ABCC1: variants seen among roughly 807,000 people sequenced by gnomAD.
The protein encoded by ABCC1 is ATP binding cassette subfamily C member 1 (ABCC1 blood group).
ABCC1 carries 83 observed loss-of-function variants against 172.9 expected under a neutral mutation model. That is an observed-to-expected ratio of 0.48 (90% CI 0.40 to 0.58). The LOEUF (loss-of-function observed/expected upper bound fraction) is 0.58. Among genes scored for constraint, ABCC1 ranks in the 20% least tolerant of loss-of-function variants. ABCC1 has a pLI of 0.00. For missense variants in ABCC1, 1,817 were observed against 2,002.7 expected, an observed-to-expected ratio of 0.91 and a Z score of 1.77; for synonymous variants, 937 against 825.2, an observed-to-expected ratio of 1.14 and a Z score of -2.32.
chr16:15,997,224 C>T (rs570160551), intron 1 of ABCC1, among the ~76,000 whole-genome samples: 98 of 152,024 alleles, frequency 6.4e-4, no homozygotes, highest in African/African-American at 2.1e-3. Flanking sequence ...CTCACGTAGC[C>T]GGGACTCAGG....
chr16:16,111,294 T>G, intron 21 of ABCC1, 81 bp from the exon 22 acceptor site: 1 of 1,194,966 alleles, frequency 8.4e-7, no homozygotes, highest in Non-Finnish European at 1.2e-6. Flanking sequence ...ACAGTGCTGG[T>G]GAAGCCCCCG....
intron 29 of ABCC1, among the ~76,000 whole-genome samples, chr16:16,136,974 C>T (rs1482805956): frequency 1.3e-5 from 2 of 152,142 alleles, no homozygotes; most frequent in Non-Finnish European, 2.9e-5. Flanking sequence ...GCCCCCAGGT[C>T]CCCATGCACT....
intron 1 of ABCC1, among the ~76,000 whole-genome samples, chr16:15,954,006 C>CTTTT (rs57768825): frequency 1.7e-5 from 2 of 116,930 alleles, no homozygotes; most frequent in South Asian, 2.6e-4. Context: ...CCTCCCCACC[C>CTTTT]TTTTTTTTTT....
chr16:16,033,233 G>C, intron 6 of ABCC1, 63 bp downstream of exon 6: 1 of 1,484,348 alleles, frequency 6.7e-7, no homozygotes, highest in Non-Finnish European at 9.4e-7. Flanking sequence ...ATGAATGAAC[G>C]AATGAACATG....
At chr16:16,103,985 C>G (rs949067588) in intron 20 of ABCC1, among the ~76,000 whole-genome samples, 4 of 152,006 alleles carry the variant, frequency 2.6e-5, no homozygotes, top group African/African-American at 9.7e-5. Flanking sequence ...TCTCGCTGGC[C>G]TCAGGAGTGA....
chr16:16,132,321 T>A (rs1006580044), intron 27 of ABCC1, among the ~76,000 whole-genome samples: 7 of 151,608 alleles, frequency 4.6e-5, no homozygotes, highest in South Asian at 2.1e-4. Flanking sequence ...TGCAGGTGTG[T>A]GCCACTGCAC....
chr16:15,994,344 T>C (rs17579406), intron 1 of ABCC1, among the ~76,000 whole-genome samples: 14,274 of 152,170 alleles, frequency 0.094, 757 homozygotes, highest in Middle Eastern at 0.15. Flanking sequence ...TTCTTCTAGG[T>C]TGACGAGCCC....
At chr16:16,077,191 G>A (rs1161244675) in intron 15 of ABCC1, among the ~76,000 whole-genome samples, 1 of 152,164 alleles carries the variant, frequency 6.6e-6, no homozygotes, top group Non-Finnish European at 1.5e-5. Flanking sequence ...CAAAACACAG[G>A]GGTGATGGGA....
chr16:16,106,304 A>G (rs1430071304), intron 20 of ABCC1, among the ~76,000 whole-genome samples: 2 of 150,928 alleles, frequency 1.3e-5, no homozygotes, highest in Non-Finnish European at 2.9e-5. Context: ...GTTTTTCATC[A>G]TATGTTACAT....
chr16:16,059,083 T>C (rs35596), intron 12 of ABCC1, among the ~76,000 whole-genome samples: 54,343 of 151,938 alleles, frequency 0.36, 11,997 homozygotes, highest in African/African-American at 0.63. Flanking sequence ...TGGTTCAGGT[T>C]GACATGTAGA....
chr16:16,134,506 C>G lies in ABCC1; in HGVS notation c.4123C>G (p.Gln1375Glu). Residue 1375 changes from glutamine to glutamate, a missense_variant and splice_region_variant, in exon 28 of 31, where the codon CAG (glutamine) becomes GAG (glutamate). This residue lies in a region of ABCC1 where 1,412 missense variants were observed against 1,600.3 expected (regional missense o/e 0.88). Coordinates refer to ENST00000399410, the MANE Select transcript of ABCC1 (RefSeq NM_004996.4). ...DLRFKITIIP[Q>E]DPVLFSGSLR... is the part of the protein sequence containing the mutation. ...CCGCTTCAAGATCACCATCATCCCCCAGGTGGGGTCTGGGTGTGGCCCAGG... is the reference window on the plus strand; with the variant it reads ...CCGCTTCAAGATCACCATCATCCCCGAGGTGGGGTCTGGGTGTGGCCCAGG... 6.2e-7 allele frequency: 1 copy of G among 1,614,130 alleles called. No homozygotes were observed. Among genetic ancestry groups the G allele is most frequent in the South Asian group, 1.1e-5 (1 of 91,088 alleles).
At chr16:16,129,911 T>C (rs1483824668) in intron 26 of ABCC1, among the ~76,000 whole-genome samples, 2 of 152,240 alleles carry the variant, frequency 1.3e-5, no homozygotes, top group Non-Finnish European at 2.9e-5. Context: ...TTTCTTGTTA[T>C]GTGCCGTCTG....
chr16:15,949,681 G>A lies in ABCC1; in HGVS notation c.-71G>A, dbSNP rs2045817536. On this transcript the variant is annotated 5_prime_UTR_variant, in exon 1 of 31. Transcript: ENST00000399410. ...CCCGATCACCCGCCGCCCGGTGCCC[G>A]CCGCCGCCCGCGCCAGCAACCGGGC... 1 of 968,354 alleles carries A rather than the reference G, an allele frequency of 1.0e-6. No individual in the cohort carries two copies. Among genetic ancestry groups the A allele is most frequent in the Non-Finnish European group, 1.2e-6 (1 of 810,820 alleles). The allele number at this position is 968,354 out of a possible 1,614,324, so 60.0% of individuals were successfully genotyped here. A position where few individuals can be genotyped will look rare whatever the true frequency, so the allele number is the denominator to read the frequency against.
chr16:16,032,865 A>G (rs1279753579), intron 5 of ABCC1, among the ~76,000 whole-genome samples: 1 of 152,206 alleles, frequency 6.6e-6, no homozygotes, highest in Non-Finnish European at 1.5e-5. Flanking sequence ...GCAGGTCTAT[A>G]GCATGTTGTA....
At chr16:15,990,887 C>T (rs1488784370) in intron 1 of ABCC1, among the ~76,000 whole-genome samples, 2 of 150,166 alleles carry the variant, frequency 1.3e-5, no homozygotes, top group African/African-American at 4.9e-5. Flanking sequence ...TTGGTCTCGA[C>T]CTCCTGACCT....
At chr16:16,107,678 T>TC (rs1171197282) in intron 21 of ABCC1, among the ~76,000 whole-genome samples, 3 of 152,178 alleles carry the variant, frequency 2.0e-5, no homozygotes, top group Non-Finnish European at 4.4e-5. Flanking sequence ...TATCAACCAC[T>TC]ATCCTCTCTT....
chr16:16,105,907 TACTC>T (rs1294966195), intron 20 of ABCC1, among the ~76,000 whole-genome samples: 69 of 148,718 alleles, frequency 4.6e-4, no homozygotes, highest in African/African-American at 1.0e-3. Flanking sequence ...GACAGGGTCT[TACTC>T]AGTCGCTGAG....
At chr16:16,129,108 A>G (rs1427668725) in intron 26 of ABCC1, among the ~76,000 whole-genome samples, 1 of 152,210 alleles carries the variant, frequency 6.6e-6, no homozygotes, top group African/African-American at 2.4e-5. Flanking sequence ...AATTTCCCCC[A>G]AAACTTTCCC....
chr16:15,977,047 T>C (rs2046511716), intron 1 of ABCC1, among the ~76,000 whole-genome samples: 1 of 152,098 alleles, frequency 6.6e-6, no homozygotes, highest in Admixed American at 6.6e-5. Flanking sequence ...TTTCAGTTTG[T>C]CATAGGGCAG....
Sources: allele counts gnomAD v4.1 joint callset (sites outside exome capture counted in the v4.1 genomes callset), GRCh38; gene constraint gnomAD v4.1.1; regional missense constraint gnomAD v4.1.1; transcripts MANE v1.5; gene names NCBI Gene and HGNC (gene_info 2026-07-23, HGNC 2026-07-21).